Variants in ADGRB3 observed in about 807,000 individuals in gnomAD.
ADGRB3 encodes the protein brain-specific angiogenesis inhibitor 3.
ADGRB3 carries 37 observed loss-of-function variants against 193.4 expected under a neutral mutation model. That is an observed-to-expected ratio of 0.19 (90% CI 0.15 to 0.25). The LOEUF is 0.25. ADGRB3 is among the 10% of genes least tolerant of loss of function. The probability of loss-of-function intolerance (pLI) is 1.00; values close to 1 mark genes in which losing one functional copy is unlikely to be tolerated. For synonymous variants in ADGRB3, 690 were observed against 644.2 expected (o/e 1.07, Z -1.08); for missense variants, 1,637 against 1,852.9 (o/e 0.88, Z 2.14).
intron 20 of ADGRB3, among the ~76,000 whole-genome samples, chr6:69,254,951 T>C (rs1766722124): frequency 6.7e-6 from 1 of 148,604 alleles, no homozygotes; most frequent in African/African-American, 2.5e-5. Flanking sequence ...AGTGAGAACA[T>C]GTGGTGTTTG....
chr6:69,159,499 C>G (rs1021768376), intron 17 of ADGRB3, among the ~76,000 whole-genome samples: 2 of 151,958 alleles, frequency 1.3e-5, no homozygotes, highest in Admixed American at 1.3e-4. Flanking sequence ...ATGAACTGAA[C>G]CCTGGCTCAG....
chr6:69,013,988 GTA>G, intron 11 of ADGRB3, 48 bp from the exon 12 acceptor site: 1 of 1,309,680 alleles, frequency 7.6e-7, no homozygotes, highest in East Asian at 2.5e-5. Context: ...TTATTAAAAA[GTA>G]TAATTCTCTC....
chr6:69,225,544 A>G (rs577618882), intron 17 of ADGRB3, among the ~76,000 whole-genome samples: 9 of 152,304 alleles, frequency 5.9e-5, no homozygotes, highest in African/African-American at 1.7e-4. Flanking sequence ...TTTACCAGGT[A>G]GATGTCCTTA....
chr6:69,093,788 G>T (rs1772787615), intron 17 of ADGRB3, among the ~76,000 whole-genome samples: 1 of 152,240 alleles, frequency 6.6e-6, no homozygotes, highest in African/African-American at 2.4e-5. Flanking sequence ...GGCAGCCCAA[G>T]TTCAGCAGTA....
intron 17 of ADGRB3, among the ~76,000 whole-genome samples, chr6:69,088,410 T>C (rs1012143954): frequency 3.9e-5 from 6 of 152,206 alleles, no homozygotes; most frequent in Non-Finnish European, 5.9e-5. Flanking sequence ...TCTCGCTCTG[T>C]CACCCAGGCT....
chr6:68,808,991 G>GC (rs1356079815), intron 3 of ADGRB3, among the ~76,000 whole-genome samples: 10 of 152,076 alleles, frequency 6.6e-5, no homozygotes, highest in African/African-American at 2.4e-4. Flanking sequence ...TGAATTTTGT[G>GC]CCCCCTGAAA....
At chr6:69,242,078 G>C (rs932690646) in intron 20 of ADGRB3, among the ~76,000 whole-genome samples, 1 of 151,828 alleles carries the variant, frequency 6.6e-6, no homozygotes, top group Non-Finnish European at 1.5e-5. Context: ...AGTTGAATTA[G>C]ATGGACTCTA....
At chr6:68,708,104 G>A (rs2127314194) in intron 3 of ADGRB3, among the ~76,000 whole-genome samples, 1 of 152,292 alleles carries the variant, frequency 6.6e-6, no homozygotes, top group Non-Finnish European at 1.5e-5. Context: ...TAGGGTCCAT[G>A]AAATTTTCAG....
chr6:68,853,033 C>T (rs1014923418), intron 3 of ADGRB3, among the ~76,000 whole-genome samples: 2 of 151,960 alleles, frequency 1.3e-5, no homozygotes, highest in African/African-American at 4.8e-5. Context: ...ATCCATTTGA[C>T]CAAGGTCAGC....
At chr6:68,668,075 A>G (rs2127292903) in intron 3 of ADGRB3, among the ~76,000 whole-genome samples, 1 of 152,062 alleles carries the variant, frequency 6.6e-6, no homozygotes, top group South Asian at 2.1e-4. Context: ...CTAACTGATG[A>G]TAATCCCCTT....
intron 4 of ADGRB3, among the ~76,000 whole-genome samples, chr6:68,932,555 T>A (rs1030932063): frequency 2.0e-5 from 3 of 152,010 alleles, no homozygotes; most frequent in Admixed American, 2.0e-4. Flanking sequence ...AAGACAATTA[T>A]AATGTGAAAA....
chr6:68,740,266 CAA>C (rs1221108057), intron 3 of ADGRB3, among the ~76,000 whole-genome samples: 1 of 152,056 alleles, frequency 6.6e-6, no homozygotes, highest in African/African-American at 2.4e-5. Context: ...CACTTATATC[CAA>C]AGTGATAAGT....
At chr6:69,311,932 A>T (rs1353118903) in intron 20 of ADGRB3, among the ~76,000 whole-genome samples, 2 of 151,832 alleles carry the variant, frequency 1.3e-5, no homozygotes, top group Non-Finnish European at 2.9e-5. Context: ...TAATTTTAAG[A>T]TACTGATAAC....
intron 3 of ADGRB3, among the ~76,000 whole-genome samples, chr6:68,913,407 C>A (rs1239996041): frequency 2.0e-5 from 3 of 151,884 alleles, no homozygotes; most frequent in Non-Finnish European, 4.4e-5. Context: ...TGTTCTGCAG[C>A]CACCGCTGCT....
At chr6:69,382,708 T>C (rs1769974996) in intron 30 of ADGRB3, 123 bp from the exon 31 acceptor site, 3 of 570,816 alleles carry the variant, frequency 5.3e-6, no homozygotes, top group Admixed American at 3.7e-5. Flanking sequence ...GTGCATCTTA[T>C]AGGACCTCCT....
At chr6:68,777,741 A>G (rs1367292303) in intron 3 of ADGRB3, among the ~76,000 whole-genome samples, 2 of 151,766 alleles carry the variant, frequency 1.3e-5, no homozygotes, top group African/African-American at 2.4e-5. Context: ...AAAATATTTT[A>G]AATGATCTCT....
intron 29 of ADGRB3, among the ~76,000 whole-genome samples, chr6:69,366,361 C>T (rs909686396): frequency 1.3e-5 from 2 of 152,070 alleles, no homozygotes; most frequent in African/African-American, 4.8e-5. Context: ...TTATTGGTCA[C>T]TTTGTAATAG....
intron 17 of ADGRB3, among the ~76,000 whole-genome samples, chr6:69,179,763 C>A (rs1214357198): frequency 6.6e-6 from 1 of 152,162 alleles, no homozygotes; most frequent in Non-Finnish European, 1.5e-5. Context: ...GCCCTATGTA[C>A]TTCTGTCAGC....
At chr6:69,144,969 C>G (rs76829574) in intron 17 of ADGRB3, among the ~76,000 whole-genome samples, 2,363 of 147,516 alleles carry the variant, frequency 0.016, 88 homozygotes, top group East Asian at 0.1. Flanking sequence ...GTAATCTGGC[C>G]TCATAGAATG....
Sources: allele counts gnomAD v4.1 joint callset (sites outside exome capture counted in the v4.1 genomes callset), GRCh38; gene constraint gnomAD v4.1.1; transcripts MANE v1.5; gene names NCBI Gene and HGNC (gene_info 2026-07-23, HGNC 2026-07-21).